Variants in MTA3 observed in about 807,000 individuals in gnomAD.
The protein encoded by MTA3 is metastasis associated 1 family member 3.
Under a neutral mutation model 83.5 loss-of-function variants are expected in MTA3, and 34 were observed. The observed-to-expected ratio is 0.41, with a 90% confidence interval of 0.31 to 0.54. The LOEUF (loss-of-function observed/expected upper bound fraction) is 0.54, where lower values mean the gene tolerates loss of function less well. Among genes scored for constraint, MTA3 ranks in the 20% least tolerant of loss-of-function variants. MTA3 has a pLI of 0.33. For missense variants in MTA3, 761 were observed against 726.4 expected (o/e 1.05, Z -0.55); for synonymous variants, 303 against 252.7 (o/e 1.20, Z -1.89).
chr2:42,667,941 T>C (rs1228021925), intron 8 of MTA3, among the ~76,000 whole-genome samples: 1 of 152,222 alleles, frequency 6.6e-6, no homozygotes, highest in Non-Finnish European at 1.5e-5. Flanking sequence ...TGGAGACATT[T>C]TTATGATTCT....
At chr2:42,541,403 C>G (rs7606058) in intron 2 of MTA3, among the ~76,000 whole-genome samples, 62,337 of 152,028 alleles carry the variant, frequency 0.41, 13,276 homozygotes, top group Middle Eastern at 0.51. Flanking sequence ...TGGCAGGAAG[C>G]TGTAGCTCCT....
intron 2 of MTA3, among the ~76,000 whole-genome samples, chr2:42,577,547 C>T (rs1679193043): frequency 6.7e-6 from 1 of 149,716 alleles, no homozygotes; most frequent in African/African-American, 2.5e-5. Flanking sequence ...GTGGTGTGGT[C>T]TTGGCTCACT....
intron 4 of MTA3, 43 bp downstream of exon 4, chr2:42,609,627 C>T: frequency 6.5e-7 from 1 of 1,535,766 alleles, no homozygotes; most frequent in Non-Finnish European, 8.8e-7. Context: ...ACTACGGTGA[C>T]CAAAAAACAA....
intron 15 of MTA3, among the ~76,000 whole-genome samples, chr2:42,722,007 A>G (rs907458812): frequency 3.3e-5 from 5 of 152,170 alleles, no homozygotes; most frequent in Non-Finnish European, 4.4e-5. Flanking sequence ...GGCTTTTCCT[A>G]AATTCCAGTA....
chr2:42,695,989 A>G (rs184897253), intron 10 of MTA3, 150 bp downstream of exon 10: 4 of 552,654 alleles, frequency 7.2e-6, no homozygotes, highest in African/African-American at 1.9e-5. Flanking sequence ...TATCTTTAGG[A>G]TATTATTTAA....
chr2:42,622,143 C>G (rs1019166195), intron 4 of MTA3, among the ~76,000 whole-genome samples: 2 of 152,240 alleles, frequency 1.3e-5, no homozygotes, highest in African/African-American at 4.8e-5. Context: ...CAGAGTCCGT[C>G]TGCAATCCCG....
chr2:42,577,135 A>AT (rs1558451263), intron 2 of MTA3, among the ~76,000 whole-genome samples: 4 of 93,990 alleles, frequency 4.3e-5, no homozygotes, highest in South Asian at 4.3e-4. Context: ...TATATATATA[A>AT]AAATGAACTC....
chr2:42,642,485 G>A (rs369797202), intron 5 of MTA3, among the ~76,000 whole-genome samples: 6 of 151,578 alleles, frequency 4.0e-5, no homozygotes, highest in East Asian at 3.9e-4. Flanking sequence ...GTGAGACGTC[G>A]TCTCTATTAA....
At chr2:42,723,326 A>T (rs1667564639) in intron 16 of MTA3, 1 of 327,436 alleles carries the variant, frequency 3.1e-6, no homozygotes, top group Non-Finnish European at 5.7e-6. Context: ...TCTTGCTGTG[A>T]TGCGCGCTCA....
chr2:42,712,326 T>A (rs1666690937), intron 14 of MTA3, among the ~76,000 whole-genome samples: 1 of 152,072 alleles, frequency 6.6e-6, no homozygotes, highest in African/African-American at 2.4e-5. Context: ...GAGACGGTCT[T>A]GCTCTGTTGC....
chr2:42,539,182 G>A (rs546180032), intron 2 of MTA3, among the ~76,000 whole-genome samples: 5 of 152,250 alleles, frequency 3.3e-5, no homozygotes, highest in South Asian at 4.1e-4. Context: ...GAATTACGGG[G>A]TAAAAGAATA....
chr2:42,703,151 C>T (rs1462319419), intron 11 of MTA3: 1 of 152,000 alleles, frequency 6.6e-6, no homozygotes, highest in Non-Finnish European at 1.5e-5. Context: ...TTTGTAGAGA[C>T]AGAGTCTCAC....
At chr2:42,597,151 A>G (rs1681897165) in intron 3 of MTA3, among the ~76,000 whole-genome samples, 1 of 152,010 alleles carries the variant, frequency 6.6e-6, no homozygotes, top group African/African-American at 2.4e-5. Context: ...AGCTCAGGCA[A>G]TCCGCCCACC....
intron 9 of MTA3, among the ~76,000 whole-genome samples, chr2:42,688,655 C>A (rs1256964058): frequency 7.1e-6 from 1 of 140,380 alleles, no homozygotes. Context: ...TAATCTGCAG[C>A]TTTTATATAT....
intron 2 of MTA3, among the ~76,000 whole-genome samples, chr2:42,502,154 TG>T (rs1224722898): frequency 6.6e-6 from 1 of 150,590 alleles, no homozygotes; most frequent in Non-Finnish European, 1.5e-5. Flanking sequence ...GTGGGGGTGT[TG>T]GGGGTGGCCA....
chr2:42,647,528 C>T (rs1281781224), intron 6 of MTA3, among the ~76,000 whole-genome samples: 1 of 149,322 alleles, frequency 6.7e-6, no homozygotes, highest in Non-Finnish European at 1.5e-5. Context: ...CCCCACCCCA[C>T]CTGCCTCCCA....
intron 4 of MTA3, 29 bp from the exon 5 acceptor site, chr2:42,640,144 A>T: frequency 1.9e-6 from 3 of 1,549,920 alleles, no homozygotes; most frequent in Non-Finnish European, 2.6e-6. Flanking sequence ...GGCCTTTGTT[A>T]CATTTATTCT....
At chr2:42,605,258 G>A (rs1315765060) in intron 3 of MTA3, among the ~76,000 whole-genome samples, 25 of 97,774 alleles carry the variant, frequency 2.6e-4, no homozygotes, top group South Asian at 1.7e-3. Flanking sequence ...CTGGCCGGGC[G>A]GGGGGCTGAC....
chr2:42,650,532 C>T (rs1165754145), intron 6 of MTA3, among the ~76,000 whole-genome samples: 14 of 152,036 alleles, frequency 9.2e-5, no homozygotes, highest in Admixed American at 7.2e-4. Flanking sequence ...CTCCGCCTCC[C>T]GGGTTCACGC....
Sources: allele counts gnomAD v4.1 joint callset (sites outside exome capture counted in the v4.1 genomes callset), GRCh38; gene constraint gnomAD v4.1.1; transcripts MANE v1.5; gene names NCBI Gene and HGNC (gene_info 2026-07-23, HGNC 2026-07-21).